The following KCNMA1 variants were observed in gnomAD, a reference collection of about 807,000 sequenced individuals.
KCNMA1 encodes the protein potassium calcium-activated channel subfamily M alpha 1.
A neutral mutation model predicts 140.0 loss-of-function variants in KCNMA1; 29 were observed. That is an observed-to-expected ratio of 0.21 (90% confidence interval 0.15 to 0.28). The LOEUF (loss-of-function observed/expected upper bound fraction) is 0.28, where lower values mean the gene tolerates loss of function less well. Among genes scored for constraint, KCNMA1 ranks in the 10% least tolerant of loss-of-function variants. KCNMA1 has a pLI of 1.00. For synonymous variants in KCNMA1, 612 were observed against 611.9 expected (o/e 1.00, Z 0.00); for missense variants, 880 against 1,602.2 (o/e 0.55, Z 7.70).
intron 1 of KCNMA1, among the ~76,000 whole-genome samples, chr10:77,446,722 G>C (rs2097536145): frequency 6.6e-6 from 1 of 152,210 alleles, no homozygotes; most frequent in Admixed American, 6.5e-5. Context: ...AGGAAAGACA[G>C]GCTTCAGAAG....
intron 5 of KCNMA1, among the ~76,000 whole-genome samples, chr10:77,155,282 C>T (rs183130971): frequency 6.6e-6 from 1 of 152,318 alleles, no homozygotes; most frequent in East Asian, 1.9e-4. Flanking sequence ...TGCTATTGAT[C>T]TCCAAAAAGT....
At chr10:77,195,076 T>C (rs1466829519) in intron 3 of KCNMA1, among the ~76,000 whole-genome samples, 1 of 151,996 alleles carries the variant, frequency 6.6e-6, no homozygotes, top group Non-Finnish European at 1.5e-5. Flanking sequence ...TTGTTGAGGA[T>C]TTTTTTTAAG....
At chr10:77,349,250 C>T (rs926579937) in intron 2 of KCNMA1, among the ~76,000 whole-genome samples, 3 of 152,220 alleles carry the variant, frequency 2.0e-5, no homozygotes, top group Non-Finnish European at 4.4e-5. Flanking sequence ...CTGCCTTGCC[C>T]CTTCCACCAT....
At chr10:77,280,366 G>C (rs1204273460) in intron 2 of KCNMA1, among the ~76,000 whole-genome samples, 1 of 152,192 alleles carries the variant, frequency 6.6e-6, no homozygotes, top group Non-Finnish European at 1.5e-5. Flanking sequence ...AATAATTCCT[G>C]TCCATGGACA....
intron 23 of KCNMA1, among the ~76,000 whole-genome samples, chr10:76,916,122 A>C (rs989651134): frequency 2.0e-4 from 31 of 152,286 alleles, no homozygotes; most frequent in Admixed American, 1.4e-3. Context: ...TGTTTAAGCT[A>C]AATGGAGAAG....
At chr10:77,197,492 G>A (rs891553712) in intron 3 of KCNMA1, among the ~76,000 whole-genome samples, 1 of 152,138 alleles carries the variant, frequency 6.6e-6, no homozygotes, top group Non-Finnish European at 1.5e-5. Flanking sequence ...CTTTTCCAAT[G>A]TCCTAGTCTT....
intron 5 of KCNMA1, among the ~76,000 whole-genome samples, chr10:77,177,231 C>A (rs934850908): frequency 4.0e-5 from 6 of 151,876 alleles, no homozygotes; most frequent in African/African-American, 1.5e-4. Flanking sequence ...CTCAGCAAGG[C>A]CTCTCTCTTT....
In KCNMA1 at chr10:77,376,948, A is replaced by ATACATACATACATAC. The variant is rs2095152762; in HGVS notation, c.540+26913_540+26914insGTATGTATGTATGTA. ...GCAAGATTCCCTCTCAAAATAAATA[A>ATACATACATACATAC]ATACATACATACATACATACATACA... On this transcript the variant is annotated intron_variant, in intron 2 of 27. Transcript: ENST00000286628. Among the ~76,000 whole-genome samples the ATACATACATACATAC allele has an allele frequency of 3.8e-3, 566 of 148,424 alleles. 8 individuals are homozygous for ATACATACATACATAC. The highest frequency in any genetic ancestry group is 0.012 in the African/African-American group (476 of 39,944).
rs77179829 is a variant in KCNMA1, at chr10:77,217,858, C to G, written c.603-32942G>C. On this transcript the variant is annotated intron_variant, in intron 3 of 27. Coordinates refer to ENST00000286628, the MANE Select transcript of KCNMA1 (RefSeq NM_001161352.2). ...GTTATTCTTCTCAAGGGGAGCCTAC[C>G]TGCACATAAAAGTTCGATAACCACC... Among the ~76,000 whole-genome samples, 12 of 152,238 alleles carry G rather than the reference C, an allele frequency of 7.9e-5. No individual in the cohort carries two copies. The East Asian group carries it at 1.9e-3, about 24-fold the overall frequency.
intron 3 of KCNMA1, among the ~76,000 whole-genome samples, chr10:77,222,318 T>C (rs2049957740): frequency 6.6e-6 from 1 of 152,214 alleles, no homozygotes; most frequent in East Asian, 1.9e-4. Flanking sequence ...TTTATAGATC[T>C]TATAGTGACA....
At chr10:77,099,131 C>T (rs754170912) in intron 9 of KCNMA1, among the ~76,000 whole-genome samples, 9 of 152,166 alleles carry the variant, frequency 5.9e-5, no homozygotes, top group Non-Finnish European at 1.3e-4. Context: ...CAGCCTCACT[C>T]TTCAGGGATG....
chr10:76,960,820 G>A (rs2071067283), intron 20 of KCNMA1, among the ~76,000 whole-genome samples: 1 of 151,840 alleles, frequency 6.6e-6, no homozygotes, highest in South Asian at 2.1e-4. Context: ...TTGAAGTCAG[G>A]CATTTACATC....
intron 26 of KCNMA1, among the ~76,000 whole-genome samples, chr10:76,890,170 C>CT (rs1350032887): frequency 6.6e-6 from 1 of 152,162 alleles, no homozygotes; most frequent in Non-Finnish European, 1.5e-5. Flanking sequence ...GGCTGAATAA[C>CT]TAGGATTCGC....
At chr10:77,048,190 A>G (rs1200021771) in intron 14 of KCNMA1, among the ~76,000 whole-genome samples, 1 of 152,028 alleles carries the variant, frequency 6.6e-6, no homozygotes, top group African/African-American at 2.4e-5. Flanking sequence ...CAAAATTTTT[A>G]TCATAGATTC....
chr10:77,001,656 G>T, intron 18 of KCNMA1, 76 bp from the exon 19 acceptor site: 3 of 1,138,400 alleles, frequency 2.6e-6, no homozygotes, highest in Non-Finnish European at 2.5e-6. Context: ...AAGGCAGCTG[G>T]AAGGGAGCTG....
intron 14 of KCNMA1, among the ~76,000 whole-genome samples, chr10:77,050,399 G>C (rs917519187): frequency 1.3e-5 from 2 of 152,074 alleles, no homozygotes; most frequent in South Asian, 2.1e-4. Flanking sequence ...AAAAACTAGA[G>C]AGTTGCCTGT....
At chr10:77,255,912 C>CA (rs35233819) in intron 2 of KCNMA1, among the ~76,000 whole-genome samples, 22,566 of 117,266 alleles carry the variant, frequency 0.19, 2,168 homozygotes, top group Middle Eastern at 0.23. Flanking sequence ...GACTCCATCT[C>CA]AAAAAAAAAA....
At chr10:77,252,525 T>TTGTGTG (rs139774027) in intron 2 of KCNMA1, among the ~76,000 whole-genome samples, 50,372 of 145,488 alleles carry the variant, frequency 0.35, 8,681 homozygotes, top group Middle Eastern at 0.4. Context: ...TGATCAAGCT[T>TTGTGTG]TGTGTGTGTG....
intron 1 of KCNMA1, among the ~76,000 whole-genome samples, chr10:77,506,596 A>AGAGTGT: frequency 1.3e-4 from 11 of 83,570 alleles, no homozygotes; most frequent in African/African-American, 4.5e-4. Context: ...AGAGAGAGAG[A>AGAGTGT]GTGTGTGTGT....
Sources: allele counts gnomAD v4.1 joint callset (sites outside exome capture counted in the v4.1 genomes callset), GRCh38; gene constraint gnomAD v4.1.1; transcripts MANE v1.5; gene names NCBI Gene and HGNC (gene_info 2026-07-23, HGNC 2026-07-21).